Variants in CFAP54 observed in about 807,000 individuals in gnomAD.
CFAP54 encodes cilia- and flagella-associated protein 54.
In CFAP54, 290 loss-of-function variants were observed where a neutral mutation model predicts 370.4. The ratio of observed to expected loss-of-function variants is 0.78; its 90% CI spans 0.71 to 0.86. CFAP54 has a LOEUF of 0.86. Among genes scored for constraint, CFAP54 ranks in the 40% least tolerant of loss-of-function variants. The probability of loss-of-function intolerance (pLI) is 0.00; values close to 1 mark genes in which losing one functional copy is unlikely to be tolerated. For synonymous variants in CFAP54, 1,206 were observed against 1,236.5 expected (o/e 0.98, Z 0.52); for missense variants, 3,399 against 3,528.7 (o/e 0.96, Z 0.93).
chr12:96,781,760 A>G (rs1249274386), intron 60 of CFAP54, among the ~76,000 whole-genome samples: 2 of 152,242 alleles, frequency 1.3e-5, no homozygotes, highest in South Asian at 4.1e-4. Flanking sequence ...TTTGAAGTGA[A>G]GAAGAGTGGT....
At position 96,564,498 on chromosome 12, in the gene CFAP54, T is replaced by G. The variant is rs1388587879; in HGVS notation, c.2441T>G (p.Ile814Ser). ...VLQTPTVSKDISTKGPEKLKQ... is the reference protein window; with the variant it reads ...VLQTPTVSKDSSTKGPEKLKQ... ...CAGACTCCAACTGTTAGCAAAGATA[T>G]TTCTACCAAGGGTCCGGAAAAGTTA... is the stretch of plus-strand genomic sequence containing the variant. Residue 814 changes from isoleucine (I) to serine (S), a missense_variant, in exon 18 of 68, where the codon ATT (isoleucine) becomes AGT (serine). By Grantham distance (142) the Ile-to-Ser change is moderately radical. Transcript: ENST00000524981. The G allele has an allele frequency of 1.4e-6, 1 of 698,500 alleles. No individual in the cohort carries two copies. Among genetic ancestry groups the G allele is most frequent in the Admixed American group, 2.0e-5 (1 of 49,834 alleles). The allele number at this position is 698,500 out of a possible 1,614,324, so 43.3% of individuals were successfully genotyped here. A position where few individuals can be genotyped will look rare whatever the true frequency, so the allele number is the denominator to read the frequency against.
intron 67 of CFAP54, among the ~76,000 whole-genome samples, chr12:96,864,841 A>G (rs1056581264): frequency 6.6e-6 from 1 of 152,184 alleles, no homozygotes; most frequent in Non-Finnish European, 1.5e-5. Flanking sequence ...GACTGGGTAC[A>G]TTGTTTTTCC....
intron 32 of CFAP54, among the ~76,000 whole-genome samples, chr12:96,632,320 C>T (rs938525252): frequency 2.0e-5 from 3 of 151,512 alleles, no homozygotes; most frequent in Admixed American, 2.0e-4. Context: ...TCAATGTTTC[C>T]CTTTATTGTT....
intron 46 of CFAP54, among the ~76,000 whole-genome samples, chr12:96,704,257 G>C (rs576669578): frequency 1.5e-4 from 22 of 151,226 alleles, no homozygotes; most frequent in Admixed American, 1.1e-3. Context: ...GAAACCCCGT[G>C]TCTACTAAAA....
rs1955061500 is a variant in CFAP54, at chr12:96,503,996, A to G, written c.534A>G (p.Pro178=). ...CTCAATTCAAAGCTACCTTTTTCCC[A>G]AAAGGCTTTAAAGATAAAACTGCTG... ...DVTQFKATFF[P]KGFKDKTAGL... Residue 178 remains proline, a synonymous_variant, in exon 3 of 68, where the codon CCA becomes CCG. Coordinates refer to ENST00000524981, the MANE Select transcript of CFAP54 (RefSeq NM_001306084.2). The G allele has an allele frequency of 1.3e-6, 2 of 1,522,030 alleles. No homozygotes were observed. The highest frequency in any genetic ancestry group is 2.5e-5 in the East Asian group (1 of 40,516). 94.3% of individuals were successfully genotyped at this position (1,522,030 alleles called of 1,614,324 possible).
At chr12:96,806,174 AT>A (rs1958876185) in intron 63 of CFAP54, among the ~76,000 whole-genome samples, 26 of 53,606 alleles carry the variant, frequency 4.9e-4, no homozygotes, top group Admixed American at 9.4e-4. Context: ...ATATATATAT[AT>A]ATATATATAT....
chr12:96,818,900 G>A (rs1366678266), intron 65 of CFAP54, among the ~76,000 whole-genome samples: 1 of 152,170 alleles, frequency 6.6e-6, no homozygotes, highest in African/African-American at 2.4e-5. Context: ...ACCCTTTATG[G>A]AAATGAGAAG....
In CFAP54 at chr12:96,513,922, A is replaced by C. The variant is rs1320603631; in HGVS notation, c.798+878A>C. Among the ~76,000 whole-genome samples the C allele has an allele frequency of 1.3e-5, 2 of 152,198 alleles. 1 individual carries two copies. Among genetic ancestry groups the C allele is most frequent in the Non-Finnish European group, 2.9e-5 (2 of 68,028 alleles). ...AAACTCTAACCCAGTTGCATGACAA[A>C]GGCAAGGAGACTTTATTTTATAATA... On this transcript the variant is annotated intron_variant, in intron 5 of 67. Coordinates refer to ENST00000524981, the MANE Select transcript of CFAP54 (RefSeq NM_001306084.2).
chr12:96,861,433 G>A (rs767776506), intron 67 of CFAP54, among the ~76,000 whole-genome samples: 6 of 152,104 alleles, frequency 3.9e-5, no homozygotes, highest in Non-Finnish European at 7.4e-5. Context: ...TGTCACTAAC[G>A]CTAGTCTTGA....
In CFAP54 at chr12:96,720,428, G is replaced by A; in HGVS notation, c.6828G>A (p.Glu2276=). 6.4e-7 allele frequency: 1 copy of A among 1,555,372 alleles called. No homozygotes were observed. The highest frequency in any genetic ancestry group is 8.7e-7 in the Non-Finnish European group (1 of 1,147,636). The change falls in exon 50 of 68, where the codon GAG becomes GAA. Residue 2276 remains glutamate, a synonymous_variant. Transcript: ENST00000524981. ...AGTCGATGTTACTGATGGAAGCTGA[G>A]GACAGGCTAAACTTCCTTCTGTCCG... ...MLKSMLLMEA[E]DRLNFLLSEV...
At chr12:96,650,805 T>G (rs1956850295) in intron 35 of CFAP54, among the ~76,000 whole-genome samples, 4 of 152,206 alleles carry the variant, frequency 2.6e-5, no homozygotes, top group Admixed American at 1.3e-4. Context: ...CTGGATCACC[T>G]GCTTTGACCA....
At chr12:96,723,829 T>TG (rs1957791827) in intron 50 of CFAP54, among the ~76,000 whole-genome samples, 1 of 61,300 alleles carries the variant, frequency 1.6e-5, no homozygotes, top group Non-Finnish European at 2.9e-5. Flanking sequence ...CCCTCCCCCC[T>TG]CCCCCCACCC....
At chr12:96,652,588 C>G (rs573617030) in intron 36 of CFAP54, among the ~76,000 whole-genome samples, 2 of 151,994 alleles carry the variant, frequency 1.3e-5, no homozygotes, top group Non-Finnish European at 2.9e-5. Flanking sequence ...AACAAAGGAA[C>G]AAAAAACATG....
At chr12:96,834,519 G>A (rs1481287499) in intron 66 of CFAP54, among the ~76,000 whole-genome samples, 1 of 152,246 alleles carries the variant, frequency 6.6e-6, no homozygotes, top group African/African-American at 2.4e-5. Context: ...GTGGCAGGCA[G>A]CTCTAGGTGC....
intron 8 of CFAP54, among the ~76,000 whole-genome samples, chr12:96,524,254 G>C (rs1038820068): frequency 3.3e-5 from 5 of 151,972 alleles, no homozygotes; most frequent in Non-Finnish European, 1.5e-5. Context: ...TTAAGTACCT[G>C]CTATGTGAAC....
At chr12:96,748,598 G>T (rs1016367965) in intron 55 of CFAP54, among the ~76,000 whole-genome samples, 9 of 152,172 alleles carry the variant, frequency 5.9e-5, no homozygotes, top group Non-Finnish European at 7.4e-5. Flanking sequence ...ACAGGTGAAT[G>T]ATGTGCTCCC....
chr12:96,702,074 G>T (rs58731463), intron 46 of CFAP54, among the ~76,000 whole-genome samples: 103 of 152,246 alleles, frequency 6.8e-4, no homozygotes, highest in African/African-American at 2.4e-3. Flanking sequence ...TGGGTGTGTT[G>T]TGAAGGTACA....
intron 11 of CFAP54, 86 bp downstream of exon 11, chr12:96,534,313 C>A: frequency 1.3e-6 from 1 of 797,132 alleles, no homozygotes. Context: ...ATGTTGAAGG[C>A]GGAGGGAGCA....
chr12:96,548,144 CT>C (rs549712346), intron 15 of CFAP54, among the ~76,000 whole-genome samples, 166 bp downstream of exon 15: 64 of 151,834 alleles, frequency 4.2e-4, no homozygotes, highest in Non-Finnish European at 7.2e-4. Context: ...ATTTTTCTAC[CT>C]TTTATGAAGA....
Sources: gnomAD v4.1 joint callset for allele counts (sites outside exome capture counted in the v4.1 genomes callset) on GRCh38, gnomAD v4.1.1 for gene constraint, MANE v1.5 for transcripts, NCBI Gene and HGNC (gene_info 2026-07-23, HGNC 2026-07-21) for gene names.